Variants in C5 observed in about 807,000 individuals in gnomAD.
The protein encoded by C5 is C3 and PZP-like alpha-2-macroglobulin domain-containing protein 4.
In C5, 140 loss-of-function variants were observed where a neutral mutation model predicts 218.8. The observed-to-expected ratio is 0.64, with a 90% CI of 0.56 to 0.74. The LOEUF is 0.74. C5 is among the 30% of genes least tolerant of loss of function. The pLI is 0.00. For missense variants in C5, 1,700 were observed against 1,969.6 expected (o/e 0.86, Z 2.59); for synonymous variants, 614 against 682.3 (o/e 0.90, Z 1.56).
intron 33 of C5, among the ~76,000 whole-genome samples, chr9:120,965,317 C>G (rs889825127): frequency 2.0e-5 from 3 of 151,920 alleles, no homozygotes; most frequent in Non-Finnish European, 4.4e-5. Flanking sequence ...GCCAGGAGTT[C>G]GAGACCAGCC....
rs373414306 is a variant in C5 at position 121,004,550 on chromosome 9, G to A, written c.2562+1369C>T. Among the ~76,000 whole-genome samples the A allele has an allele frequency of 2.0e-5, 3 of 152,142 alleles. No individual in the cohort carries two copies. In the East Asian group the frequency reaches 5.8e-4, roughly 29 times the overall value. ...GTACTTTGGGAAGCTGAGGCAGGTG[G>A]GTCACTTGAGGTCAGGAGTTCGAGA... is the stretch of plus-strand genomic sequence containing the variant. On this transcript the variant is annotated intron_variant, in intron 20 of 40. Transcript: ENST00000223642.
intron 25 of C5, among the ~76,000 whole-genome samples, chr9:120,987,644 AAAAAAAG>A (rs1388447704): frequency 1.3e-4 from 19 of 150,382 alleles, no homozygotes; most frequent in African/African-American, 3.1e-4. Flanking sequence ...CTCAAAAAAA[AAAAAAAG>A]AAAAAAGAAA....
At chr9:121,034,918 C>T in intron 4 of C5, 24 bp from the exon 5 acceptor site, 1 of 1,221,506 alleles carries the variant, frequency 8.2e-7, no homozygotes, top group Non-Finnish European at 1.2e-6. Context: ...CAAACACCCT[C>T]AAAGGCCAGA....
At chr9:121,039,163 T>G (rs1445171436) in intron 3 of C5, among the ~76,000 whole-genome samples, 1 of 152,204 alleles carries the variant, frequency 6.6e-6, no homozygotes, top group Non-Finnish European at 1.5e-5. Context: ...AATTAAATAA[T>G]GCAAAGCTTT....
chr9:120,986,462 G>A (rs978302823), intron 25 of C5, among the ~76,000 whole-genome samples: 5 of 151,466 alleles, frequency 3.3e-5, no homozygotes, highest in African/African-American at 1.2e-4. Context: ...AATCTGCTTT[G>A]TATTTCTCAA....
rs41309894 is a variant in C5 at position 120,997,478 on chromosome 9, T to TC, written c.2790+68dup. 4.9e-4 allele frequency: 556 copies of TC among 1,124,924 alleles called. 2 individuals carry two copies. Among genetic ancestry groups the TC allele is most frequent in the African/African-American group, 3.9e-3 (251 of 64,960 alleles). The allele number at this position is 1,124,924 out of a possible 1,614,324, so 69.7% of individuals were successfully genotyped here. Reference sequence around the variant, plus strand: ...CGTTAAATTTACACTATTGTTTCTCTCCCCCCCCTTTCTGTGTCTCTCTTT... The same window carrying TC: ...CGTTAAATTTACACTATTGTTTCTCTCCCCCCCCCTTTCTGTGTCTCTCTTT... On this transcript the variant is annotated intron_variant, in intron 21 of 40. Transcript: ENST00000223642.
chr9:121,042,002 C>T (rs977287464), intron 3 of C5, among the ~76,000 whole-genome samples: 3 of 152,200 alleles, frequency 2.0e-5, no homozygotes, highest in African/African-American at 4.8e-5. Context: ...TCATCATCAA[C>T]ATCAACCAAC....
At chr9:121,014,470 C>T (rs1170784954) in intron 16 of C5, among the ~76,000 whole-genome samples, 2 of 152,184 alleles carry the variant, frequency 1.3e-5, no homozygotes, top group African/African-American at 2.4e-5. Flanking sequence ...ATATTTCCTT[C>T]TTCAAGCTGA....
At chr9:121,006,273 CAAAT>C (rs1360252019) in intron 19 of C5, among the ~76,000 whole-genome samples, 1 of 152,136 alleles carries the variant, frequency 6.6e-6, no homozygotes, top group African/African-American at 2.4e-5. Flanking sequence ...ATTTATTCAA[CAAAT>C]AGTTAATTCT....
chr9:121,001,356 T>A (rs2047159822), intron 20 of C5, among the ~76,000 whole-genome samples: 1 of 152,204 alleles, frequency 6.6e-6, no homozygotes. Context: ...ATATAGGATA[T>A]CATAGAATAC....
chr9:121,018,742 AAAGGAAGG>A (rs765624136), intron 12 of C5, among the ~76,000 whole-genome samples: 5,261 of 98,974 alleles, frequency 0.053, 184 homozygotes, highest in Non-Finnish European at 0.057. Context: ...GGAAGGAAGG[AAAGGAAGG>A]AAGGAAGGAA....
chr9:121,019,415 TC>T (rs1248473494), intron 12 of C5, among the ~76,000 whole-genome samples: 2 of 152,246 alleles, frequency 1.3e-5, no homozygotes, highest in Non-Finnish European at 2.9e-5. Flanking sequence ...TAAGTTTTTT[TC>T]TTGGTTTCAC....
At position 121,017,628 on chromosome 9, in the gene C5, T is replaced by C. The variant is rs1406025325; in HGVS notation, c.1716+15A>G. On this transcript the variant is annotated intron_variant, in intron 13 of 40. Transcript: ENST00000223642. ...GAAAAGAAAATTCAATTGTGACTTATAATTTGTGGCTTACCTGGAGCTGGT... is the reference window on the plus strand; with the variant it reads ...GAAAAGAAAATTCAATTGTGACTTACAATTTGTGGCTTACCTGGAGCTGGT... 5 of 1,611,010 alleles carry C rather than the reference T, an allele frequency of 3.1e-6. No individual in the cohort carries two copies. Among genetic ancestry groups the C allele is most frequent in the African/African-American group, 2.7e-5 (2 of 74,906 alleles).
chr9:121,030,975 G>A (rs2047469332), intron 6 of C5, among the ~76,000 whole-genome samples: 3 of 152,058 alleles, frequency 2.0e-5, no homozygotes, highest in African/African-American at 7.2e-5. Context: ...TAGATATACA[G>A]AGAAAATACA....
chr9:120,989,667 A>C lies in C5; in HGVS notation c.3055T>G (p.Phe1019Val). Reference protein sequence around the residue: ...EAELMSVVPVFYVFHYLETGN... With the variant: ...EAELMSVVPVVYVFHYLETGN... Reference sequence around the variant, plus strand: ...GTTTCCAGGTAGTGAAAAACATAGAATACTGGGACAACGCTCATCAGCTCC... The same window carrying C: ...GTTTCCAGGTAGTGAAAAACATAGACTACTGGGACAACGCTCATCAGCTCC... The change falls in exon 24 of 41, where the codon TTC becomes GTC. Residue 1019 changes from phenylalanine (F) to valine (V), a missense_variant. Phe to Val is a conservative substitution (Grantham distance 50). Coordinates refer to ENST00000223642, the MANE Select transcript of C5 (RefSeq NM_001735.3). 2.5e-6 allele frequency: 4 copies of C among 1,613,818 alleles called. No individual in the cohort carries two copies. The highest frequency in any genetic ancestry group is 2.2e-5 in the East Asian group (1 of 44,872).
At chr9:120,976,289 A>C (rs530207975) in intron 29 of C5, among the ~76,000 whole-genome samples, 39 of 152,374 alleles carry the variant, frequency 2.6e-4, no homozygotes, top group African/African-American at 9.1e-4. Context: ...TGTAACAATC[A>C]GTATTTCTCC....
At chr9:120,954,720 T>C (rs997290450) in intron 39 of C5, among the ~76,000 whole-genome samples, 1 of 152,246 alleles carries the variant, frequency 6.6e-6, no homozygotes, top group Non-Finnish European at 1.5e-5. Context: ...GTCATCTTAA[T>C]TGTTAAGTCC....
chr9:121,025,474 A>G lies in C5; in HGVS notation c.980T>C (p.Val327Ala). ...CTTACCTGTAGACTCTATGACTGTT[A>G]CAGCAATATAAAGGTACTTGTTGTT... is the stretch of plus-strand genomic sequence containing the variant. ...DLNNKYLYIA[V>A]TVIESTGGFS... The change falls in exon 9 of 41, where the codon GTA becomes GCA. Residue 327 changes from valine (V) to alanine (A), a missense_variant. Coordinates refer to ENST00000223642, the MANE Select transcript of C5 (RefSeq NM_001735.3). The G allele has an allele frequency of 6.2e-7, 1 of 1,608,238 alleles. No individual in the cohort carries two copies.
intron 22 of C5, among the ~76,000 whole-genome samples, chr9:120,995,820 C>CTT (rs66652956): frequency 0.028 from 3,806 of 134,350 alleles, 204 homozygotes; most frequent in African/African-American, 0.096. Flanking sequence ...GAAGTGGATA[C>CTT]TTTTTTTTTT....
Sources: allele counts gnomAD v4.1 joint callset (sites outside exome capture counted in the v4.1 genomes callset), GRCh38; gene constraint gnomAD v4.1.1; transcripts MANE v1.5; gene names NCBI Gene and HGNC (gene_info 2026-07-23, HGNC 2026-07-21).